The following PKIB variants were observed in gnomAD, a reference collection of about 807,000 sequenced individuals.
PKIB encodes cAMP-dependent protein kinase inhibitor beta.
In PKIB, 2 loss-of-function variants were observed where a neutral mutation model predicts 4.5. The observed-to-expected ratio is 0.44, with a 90% CI of 0.18 to 1.39. The LOEUF (loss-of-function observed/expected upper bound fraction) is 1.39, where lower values mean the gene tolerates loss of function less well. Ranked by LOEUF, PKIB falls within the 40% of genes most tolerant of loss-of-function variation. The probability of loss-of-function intolerance (pLI) is 0.27; values close to 1 mark genes in which losing one functional copy is unlikely to be tolerated. For synonymous variants in PKIB, 38 were observed against 36.0 expected, an observed-to-expected ratio of 1.06 and a Z score of -0.20; for missense variants, 94 against 92.6, an observed-to-expected ratio of 1.02 and a Z score of -0.06.
intron 2 of PKIB, among the ~76,000 whole-genome samples, chr6:122,634,964 G>A (rs1328281018): frequency 1.3e-5 from 2 of 150,796 alleles, no homozygotes; most frequent in Non-Finnish European, 3.0e-5. Context: ...AAAAAGAATA[G>A]CATGTCTTAA....
At chr6:122,498,504 GAATAAAATACTTTTTTGA>G (rs1245238510) in intron 2 of PKIB, among the ~76,000 whole-genome samples, 11 of 152,116 alleles carry the variant, frequency 7.2e-5, no homozygotes, top group African/African-American at 2.4e-4. Flanking sequence ...AATAAGGCAG[GAATAAAATACTTTTTTGA>G]AATAAAACAG....
intron 2 of PKIB, among the ~76,000 whole-genome samples, chr6:122,490,360 A>G (rs1775904232): frequency 6.6e-6 from 1 of 152,204 alleles, no homozygotes; most frequent in African/African-American, 2.4e-5. Context: ...AAAGAGATCA[A>G]TACAACTGGC....
At chr6:122,667,277 G>A (rs1313429919) in intron 2 of PKIB, among the ~76,000 whole-genome samples, 1 of 152,060 alleles carries the variant, frequency 6.6e-6, no homozygotes, top group Non-Finnish European at 1.5e-5. Flanking sequence ...GTTGTAAGTC[G>A]GCCAGGCGCC....
chr6:122,536,928 T>C (rs1478575889), intron 2 of PKIB, among the ~76,000 whole-genome samples: 1 of 148,406 alleles, frequency 6.7e-6, no homozygotes, highest in Non-Finnish European at 1.5e-5. Flanking sequence ...CCAACGAACC[T>C]CAAATTTTGC....
chr6:122,692,200 G>A (rs1250209340), intron 3 of PKIB, among the ~76,000 whole-genome samples: 1 of 152,202 alleles, frequency 6.6e-6, no homozygotes, highest in African/African-American at 2.4e-5. Context: ...CCTGTCTATA[G>A]CCTATGTTTG....
intron 3 of PKIB, among the ~76,000 whole-genome samples, chr6:122,714,353 T>A (rs1190375576): frequency 6.6e-6 from 1 of 152,202 alleles, no homozygotes; most frequent in African/African-American, 2.4e-5. Flanking sequence ...AAAACAGTTT[T>A]GTTACTTAGC....
intron 2 of PKIB, among the ~76,000 whole-genome samples, chr6:122,654,018 C>G (rs548995163): frequency 3.3e-5 from 5 of 152,284 alleles, no homozygotes; most frequent in African/African-American, 1.2e-4. Context: ...TTCCCTCTTT[C>G]ACTGGCTGCC....
At chr6:122,593,508 A>G (rs1475947796) in intron 3 of PKIB, among the ~76,000 whole-genome samples, 2 of 152,226 alleles carry the variant, frequency 1.3e-5, no homozygotes, top group East Asian at 3.8e-4. Context: ...ATGTAGCCTC[A>G]GCATTGCTAT....
intron 3 of PKIB, among the ~76,000 whole-genome samples, chr6:122,588,127 G>A (rs966721294): frequency 1.3e-5 from 2 of 152,068 alleles, no homozygotes; most frequent in Non-Finnish European, 2.9e-5. Flanking sequence ...GTATTGCCTA[G>A]GTTTTCTTCT....
At chr6:122,574,857 T>C (rs1289221579) in intron 2 of PKIB, among the ~76,000 whole-genome samples, 19 of 152,110 alleles carry the variant, frequency 1.2e-4, no homozygotes, top group Admixed American at 1.2e-3. Context: ...TCATTATTAA[T>C]ATCCCAAAAA....
At chr6:122,526,933 A>C (rs2114610289) in intron 2 of PKIB, among the ~76,000 whole-genome samples, 1 of 152,318 alleles carries the variant, frequency 6.6e-6, no homozygotes, top group East Asian at 1.9e-4. Flanking sequence ...GTCTACATTA[A>C]AAATCTGTTG....
At chr6:122,534,705 G>A (rs1448060929) in intron 2 of PKIB, among the ~76,000 whole-genome samples, 2 of 152,000 alleles carry the variant, frequency 1.3e-5, no homozygotes, top group Admixed American at 1.3e-4. Flanking sequence ...GCCCTGGCTG[G>A]ACTTGAGCCA....
At chr6:122,480,218 A>T (rs1775572166) in intron 2 of PKIB, 1 of 151,770 alleles carries the variant, frequency 6.6e-6, no homozygotes, top group Admixed American at 6.6e-5. Context: ...AGTTTTTTGT[A>T]TTTTTAGTAG....
chr6:122,544,142 G>A (rs554462948), intron 2 of PKIB, among the ~76,000 whole-genome samples: 3 of 151,536 alleles, frequency 2.0e-5, no homozygotes, highest in South Asian at 2.1e-4. Flanking sequence ...AAAAGCAAAC[G>A]CTTTAAAATA....
intron 2 of PKIB, among the ~76,000 whole-genome samples, chr6:122,663,702 C>G (rs1270739284): frequency 3.9e-5 from 6 of 152,202 alleles, no homozygotes; most frequent in Non-Finnish European, 4.4e-5. Context: ...TATAAGGACA[C>G]CAGTCATATT....
chr6:122,500,393 T>C (rs1393301177), intron 2 of PKIB, among the ~76,000 whole-genome samples: 11 of 152,238 alleles, frequency 7.2e-5, no homozygotes, highest in African/African-American at 2.7e-4. Flanking sequence ...AGATTGCTTC[T>C]ACATTCTAAC....
At chr6:122,580,048 G>C (rs1003719864) in intron 2 of PKIB, among the ~76,000 whole-genome samples, 4 of 152,016 alleles carry the variant, frequency 2.6e-5, no homozygotes, top group Non-Finnish European at 5.9e-5. Flanking sequence ...AAAAAATTAT[G>C]TTCAGTGAAT....
chr6:122,554,645 A>C (rs1772785404), intron 2 of PKIB, among the ~76,000 whole-genome samples: 1 of 152,208 alleles, frequency 6.6e-6, no homozygotes, highest in South Asian at 2.1e-4. Context: ...TTGGAAAACA[A>C]GGACTTTAAT....
intron 3 of PKIB, among the ~76,000 whole-genome samples, chr6:122,587,770 A>C (rs2114719388): frequency 6.6e-6 from 1 of 152,294 alleles, no homozygotes; most frequent in East Asian, 1.9e-4. Flanking sequence ...CATTTCTCTG[A>C]TGGCCAGTGA....
Sources: allele counts gnomAD v4.1 joint callset (sites outside exome capture counted in the v4.1 genomes callset), GRCh38; gene constraint gnomAD v4.1.1; transcripts MANE v1.5; gene names NCBI Gene and HGNC (gene_info 2026-07-23, HGNC 2026-07-21).